KIF5B: variants seen among roughly 807,000 people sequenced by gnomAD.
KIF5B encodes the protein kinesin-1 heavy chain.
KIF5B carries 49 observed loss-of-function variants against 132.8 expected under a neutral mutation model. The ratio of observed to expected loss-of-function variants is 0.37; its 90% CI spans 0.29 to 0.47. KIF5B has a LOEUF of 0.47. KIF5B is among the 20% of genes least tolerant of loss of function. KIF5B has a pLI of 1.00. For missense variants in KIF5B, 780 were observed against 1,144.0 expected (o/e 0.68, Z 4.59); for synonymous variants, 355 against 369.4 (o/e 0.96, Z 0.45).
chr10:32,047,572 C>T (rs1331643144), intron 2 of KIF5B, among the ~76,000 whole-genome samples: 2 of 152,164 alleles, frequency 1.3e-5, no homozygotes, highest in African/African-American at 2.4e-5. Flanking sequence ...GATGACTTTG[C>T]TCCCTGTATT....
intron 6 of KIF5B, 95 bp from the exon 7 acceptor site, chr10:32,037,702 G>A (rs185604243): frequency 2.8e-4 from 237 of 859,934 alleles, no homozygotes; most frequent in Admixed American, 4.5e-4. Flanking sequence ...GCGCGGTGGC[G>A]GGTGCCTGTA....
intron 15 of KIF5B, among the ~76,000 whole-genome samples, chr10:32,028,087 C>A (rs1168061760): frequency 5.9e-5 from 9 of 151,868 alleles, no homozygotes. Flanking sequence ...ATCCTCCCAC[C>A]CCAGTAGCTG....
chr10:32,042,150 A>T (rs1403408601), intron 2 of KIF5B, among the ~76,000 whole-genome samples: 1 of 152,168 alleles, frequency 6.6e-6, no homozygotes, highest in Non-Finnish European at 1.5e-5. Context: ...ATAACAGTGA[A>T]AAGTAAACTA....
intron 11 of KIF5B, 36 bp from the exon 12 acceptor site, chr10:32,034,074 G>T: frequency 2.3e-6 from 3 of 1,292,366 alleles, no homozygotes; most frequent in South Asian, 1.4e-5. Context: ...ATAAAAAAAC[G>T]ACGTCTAAAG....
intron 2 of KIF5B, 68 bp downstream of exon 2, chr10:32,048,396 G>A: frequency 2.9e-6 from 3 of 1,025,050 alleles, no homozygotes; most frequent in East Asian, 2.4e-5. Flanking sequence ...AGGAAGCTGA[G>A]TAAGTAGAAA....
At chr10:32,052,230 A>G (rs796318539) in intron 1 of KIF5B, among the ~76,000 whole-genome samples, 1 of 152,228 alleles carries the variant, frequency 6.6e-6, no homozygotes, top group Non-Finnish European at 1.5e-5. Flanking sequence ...GGAGTGTATT[A>G]TATTAGATTT....
At chr10:32,034,872 G>C in intron 10 of KIF5B, 34 bp from the exon 11 acceptor site, 1 of 1,511,816 alleles carries the variant, frequency 6.6e-7, no homozygotes, top group South Asian at 1.3e-5. Context: ...AAAAGGATGA[G>C]ACTGAAATTA....
intron 1 of KIF5B, among the ~76,000 whole-genome samples, chr10:32,050,341 C>T (rs1841676151): frequency 6.6e-6 from 1 of 152,180 alleles, no homozygotes; most frequent in East Asian, 1.9e-4. Flanking sequence ...AACTAGTAGT[C>T]ACATGACCAA....
intron 15 of KIF5B, among the ~76,000 whole-genome samples, chr10:32,024,144 C>CTTT (rs1841303106): frequency 7.6e-5 from 7 of 91,592 alleles, no homozygotes; most frequent in South Asian, 8.0e-4. Context: ...ATATGAAGAA[C>CTTT]TCTTTTTTTT....
chr10:32,018,271 T>C (rs750808180), intron 22 of KIF5B, 45 bp downstream of exon 22: 22 of 1,461,390 alleles, frequency 1.5e-5, no homozygotes, highest in Admixed American at 4.6e-5. Flanking sequence ...TACCTAGAAG[T>C]AAGCACCATT....
chr10:32,049,799 T>C (rs1291639369), intron 1 of KIF5B, among the ~76,000 whole-genome samples: 1 of 152,062 alleles, frequency 6.6e-6, no homozygotes, highest in Admixed American at 6.6e-5. Context: ...GGAGTGATTA[T>C]GTCAAATACA....
intron 2 of KIF5B, among the ~76,000 whole-genome samples, chr10:32,046,175 A>G (rs1417984936): frequency 6.6e-6 from 1 of 152,200 alleles, no homozygotes; most frequent in Non-Finnish European, 1.5e-5. Flanking sequence ...TGGCGGCAAG[A>G]GATACAAAAA....
chr10:32,055,830 C>T lies in KIF5B; in HGVS notation c.126+18G>A. On this transcript the variant is annotated intron_variant, in intron 1 of 25. Transcript: ENST00000302418. The stretch of plus-strand genomic sequence containing the variant: ...GCCCGAAGAAGCGGGAGGAGGGATG[C>T]CGGCGGGGGTCACTCACCGCGATCA... The T allele has an allele frequency of 1.2e-6, 2 of 1,609,440 alleles. No homozygotes were observed. Among genetic ancestry groups the T allele is most frequent in the Non-Finnish European group, 8.5e-7 (1 of 1,178,516 alleles).
rs1225618969 is a variant in KIF5B at position 32,056,141 on chromosome 10, A to C, written c.-168T>G. On this transcript the variant is annotated 5_prime_UTR_variant, in exon 1 of 26. Transcript: ENST00000302418. ...AGGCGGCCGGGGAGCCGGGACTTGA[A>C]GAGCCGGCGCCGGCAGCCGTTAACC... is the stretch of plus-strand genomic sequence containing the variant. 9.8e-6 allele frequency: 7 copies of C among 715,218 alleles called. No homozygotes were observed. Among genetic ancestry groups the C allele is most frequent in the Non-Finnish European group, 6.6e-6 (3 of 452,120 alleles). 44.3% of individuals were successfully genotyped at this position (715,218 alleles called of 1,614,324 possible).
At chr10:32,047,639 C>A (rs1438237540) in intron 2 of KIF5B, among the ~76,000 whole-genome samples, 2 of 152,180 alleles carry the variant, frequency 1.3e-5, no homozygotes, top group African/African-American at 4.8e-5. Context: ...CTCACCTCAT[C>A]TATAAACCTT....
chr10:32,049,148 T>C (rs1349369134), intron 1 of KIF5B, among the ~76,000 whole-genome samples: 2 of 152,204 alleles, frequency 1.3e-5, no homozygotes, highest in African/African-American at 4.8e-5. Context: ...TTTTCAACCA[T>C]TCTTTCATTT....
rs1300170658 is a variant in KIF5B, at chr10:32,022,996, A to G, written c.1766T>C (p.Val589Ala). ...CATTTTGCTAATGTAGAGTCTTGCA[A>G]CAGTGAACTCTTCATCTATCATGCC... ...GTGMIDEEFT[V>A]ARLYISKMKS... Residue 589 changes from valine (V) to alanine (A), a missense_variant, in exon 16 of 26, where the codon GTT (valine) becomes GCT (alanine). Transcript: ENST00000302418. 6.2e-7 allele frequency: 1 copy of G among 1,610,386 alleles called. No individual in the cohort carries two copies. Among genetic ancestry groups the G allele is most frequent in the African/African-American group, 1.3e-5 (1 of 74,888 alleles).
chr10:32,029,870 G>T (rs951033437), intron 14 of KIF5B, among the ~76,000 whole-genome samples: 2 of 152,190 alleles, frequency 1.3e-5, no homozygotes, highest in Non-Finnish European at 2.9e-5. Context: ...AGTTATAATG[G>T]TGTCTTAGAT....
intron 10 of KIF5B, 63 bp downstream of exon 10, chr10:32,035,459 T>G (rs767437105): frequency 1.4e-6 from 2 of 1,425,092 alleles, no homozygotes; most frequent in South Asian, 1.3e-5. Context: ...GCTCACATTT[T>G]CCTACATTTT....
Sources: gnomAD v4.1 joint callset for allele counts (sites outside exome capture counted in the v4.1 genomes callset) on GRCh38, gnomAD v4.1.1 for gene constraint, MANE v1.5 for transcripts, NCBI Gene and HGNC (gene_info 2026-07-23, HGNC 2026-07-21) for gene names.